Variants in EYS observed in about 807,000 individuals in gnomAD.
The protein encoded by EYS is protein eyes shut homolog.
Under a neutral mutation model 282.1 loss-of-function variants are expected in EYS, and 250 were observed. The ratio of observed to expected loss-of-function variants is 0.89; its 90% CI spans 0.80 to 0.98. EYS has a LOEUF of 0.98. Among genes scored for constraint, EYS ranks in the 50% least tolerant of loss-of-function variants. The pLI is 0.00. For synonymous variants in EYS, 1,355 were observed against 1,282.9 expected (o/e 1.06, Z -1.20); for missense variants, 4,016 against 3,709.0 (o/e 1.08, Z -2.15).
intron 12 of EYS, among the ~76,000 whole-genome samples, chr6:65,227,869 T>C (rs1766669295): frequency 6.6e-6 from 1 of 152,020 alleles, no homozygotes; most frequent in Non-Finnish European, 1.5e-5. Context: ...TAAATTGAAA[T>C]TCATAGAGAC....
chr6:64,496,309 A>T (rs1446002461), intron 26 of EYS, among the ~76,000 whole-genome samples: 2 of 151,960 alleles, frequency 1.3e-5, no homozygotes, highest in South Asian at 4.1e-4. Context: ...CAACTGGATT[A>T]TAGTTTAGTG....
intron 22 of EYS, among the ~76,000 whole-genome samples, chr6:64,775,108 A>T (rs2149989146): frequency 6.6e-6 from 1 of 152,088 alleles, no homozygotes; most frequent in South Asian, 2.1e-4. Flanking sequence ...AGGAGGGGGT[A>T]ACTGCTGAAA....
intron 26 of EYS, among the ~76,000 whole-genome samples, chr6:64,502,303 C>T (rs548265003): frequency 3.9e-5 from 6 of 152,102 alleles, no homozygotes; most frequent in African/African-American, 9.6e-5. Flanking sequence ...CTCAGTGGCG[C>T]GATCTCGACT....
intron 22 of EYS, among the ~76,000 whole-genome samples, chr6:64,808,687 C>T (rs1417578814): frequency 6.6e-6 from 1 of 151,894 alleles, no homozygotes; most frequent in East Asian, 1.9e-4. Context: ...GTGCTAACTA[C>T]CACAGCAAAT....
At chr6:64,035,267 C>G (rs1056712696) in intron 33 of EYS, among the ~76,000 whole-genome samples, 5 of 152,184 alleles carry the variant, frequency 3.3e-5, no homozygotes, top group African/African-American at 1.2e-4. Flanking sequence ...GTTTACTCAA[C>G]AAGCATGACA....
chr6:63,782,717 A>AT lies in EYS; in HGVS notation c.7724-4538dup, dbSNP rs1465467444. ...AAAAAACCAGCTTCTGGATTCATTG[A>AT]TTTTTTGAAGGGGTTTTTGTGTCTC... On this transcript the variant is annotated intron_variant, in intron 39 of 42. Transcript: ENST00000503581. Among the ~76,000 whole-genome samples the AT allele has an allele frequency of 2.0e-5, 3 of 152,088 alleles. 1 individual carries two copies. The East Asian group carries it at 5.8e-4, about 29-fold the overall frequency.
chr6:64,110,171 C>CTTTTT (rs914968626), intron 31 of EYS, among the ~76,000 whole-genome samples: 14 of 150,340 alleles, frequency 9.3e-5, no homozygotes, highest in Middle Eastern at 3.4e-3. Context: ...TCTAAAGAAT[C>CTTTTT]TTTTTTTTTA....
Position 64,902,157 on chromosome 6 carries a change from A to G in EYS, c.2802T>C (p.Ser934=). The G allele has an allele frequency of 6.4e-7, 1 of 1,550,692 alleles. No individual in the cohort carries two copies. The highest frequency in any genetic ancestry group is 8.7e-7 in the Non-Finnish European group (1 of 1,146,430). The change falls in exon 18 of 43, where the codon TCT becomes TCC. Residue 934 remains serine, a synonymous_variant. Transcript: ENST00000503581. ...LCEIEINECS[S]EPCKNNGTCV... ...ATGTTCCATTATTTTTGCAAGGTTC[A>G]GAGGAACATTCATTAATTTCAATTT... is the stretch of plus-strand genomic sequence containing the variant.
At chr6:64,344,680 T>C (rs1383049331) in intron 29 of EYS, among the ~76,000 whole-genome samples, 2 of 152,042 alleles carry the variant, frequency 1.3e-5, no homozygotes, top group Non-Finnish European at 2.9e-5. Context: ...TTCAACATAG[T>C]GTTGGAAGTT....
At chr6:64,882,635 C>CA in intron 19 of EYS, among the ~76,000 whole-genome samples, 2 of 151,660 alleles carry the variant, frequency 1.3e-5, no homozygotes, top group South Asian at 4.1e-4. Flanking sequence ...ATCAATCAAA[C>CA]AAAAAATAAA....
In EYS at chr6:64,303,013, C is replaced by A. The variant is rs192077637; in HGVS notation, c.6191+3957G>T. 6.6e-5 allele frequency among the ~76,000 whole-genome samples: 10 copies of A among 152,216 alleles called. No homozygotes were observed. The East Asian group carries it at 1.6e-3, about 24-fold the overall frequency. On this transcript the variant is annotated intron_variant, in intron 30 of 42. Transcript: ENST00000503581. ...AAATGAAGAAAAGGACCCTACAGGA[C>A]CCGCATCCCCATGCTGAAAAAGACA...
chr6:64,238,163 ATCT>A (rs1410297368), intron 30 of EYS, among the ~76,000 whole-genome samples: 2 of 152,078 alleles, frequency 1.3e-5, no homozygotes, highest in African/African-American at 4.8e-5. Flanking sequence ...CTTTCTCACC[ATCT>A]TCTATTCTTT....
intron 2 of EYS, among the ~76,000 whole-genome samples, chr6:65,537,545 C>G (rs571707023): frequency 5.3e-5 from 3 of 56,728 alleles, no homozygotes; most frequent in Admixed American, 4.6e-4. Context: ...TTTATATATA[C>G]AGAGAGAGAA....
chr6:63,922,888 C>T lies in EYS; in HGVS notation c.7056-58530G>A, dbSNP rs1035806716. Among the ~76,000 whole-genome samples the T allele has an allele frequency of 5.3e-5, 8 of 152,270 alleles. No homozygotes were observed. In the East Asian group the frequency reaches 1.4e-3, roughly 26 times the overall value. ...TTAAAAGGCACCCAGGATTGGGAGC[C>T]AGCTGACCTCATTTCTAGTCTTGCC... On this transcript the variant is annotated intron_variant, in intron 35 of 42. Coordinates refer to ENST00000503581, the MANE Select transcript of EYS (RefSeq NM_001142800.2).
chr6:65,588,737 G>C (rs1765137924), intron 2 of EYS, among the ~76,000 whole-genome samples: 2 of 152,036 alleles, frequency 1.3e-5, no homozygotes, highest in Non-Finnish European at 2.9e-5. Context: ...AAAAATAAAT[G>C]AAACAGTATT....
At chr6:64,125,016 A>G (rs1400739589) in intron 31 of EYS, among the ~76,000 whole-genome samples, 1 of 152,154 alleles carries the variant, frequency 6.6e-6, no homozygotes, top group African/African-American at 2.4e-5. Context: ...GTCATCCCCC[A>G]TTGAACAAAG....
intron 29 of EYS, among the ~76,000 whole-genome samples, chr6:64,336,276 G>A: frequency 6.6e-6 from 1 of 151,988 alleles, no homozygotes; most frequent in Non-Finnish European, 1.5e-5. Context: ...AAACTTAAAG[G>A]TGTAGGAAAA....
Position 65,581,178 on chromosome 6 carries a change from T to C in EYS, c.-333+58600A>G, listed in dbSNP as rs144739415. 6.4e-4 allele frequency among the ~76,000 whole-genome samples: 97 copies of C among 152,194 alleles called. 1 individual carries two copies. Among genetic ancestry groups the C allele is most frequent in the African/African-American group, 2.2e-3 (91 of 41,562 alleles). ...GCAACTTTGCTGTGGGTCTAATCAGTAATATTTCATGTACTCGTCTTCACC... is the reference window on the plus strand; with the variant it reads ...GCAACTTTGCTGTGGGTCTAATCAGCAATATTTCATGTACTCGTCTTCACC... On this transcript the variant is annotated intron_variant, in intron 2 of 42. Coordinates refer to ENST00000503581, the MANE Select transcript of EYS (RefSeq NM_001142800.2).
At chr6:64,698,380 TA>T (rs747877578) in intron 22 of EYS, among the ~76,000 whole-genome samples, 1 of 151,788 alleles carries the variant, frequency 6.6e-6, no homozygotes, top group South Asian at 2.1e-4. Flanking sequence ...CTCAACAAAA[TA>T]AAAAATTGGT....
Sources: allele counts gnomAD v4.1 joint callset (sites outside exome capture counted in the v4.1 genomes callset), GRCh38; gene constraint gnomAD v4.1.1; transcripts MANE v1.5; gene names NCBI Gene and HGNC (gene_info 2026-07-23, HGNC 2026-07-21).